Variants in LRIG2 observed in about 807,000 individuals in gnomAD.
LRIG2 encodes the protein leucine-rich repeats and immunoglobulin-like domains protein 2.
A neutral mutation model predicts 107.8 loss-of-function variants in LRIG2; 93 were observed. The observed-to-expected ratio is 0.86, with a 90% CI of 0.73 to 1.03. The LOEUF (loss-of-function observed/expected upper bound fraction) is 1.03. Ranked by LOEUF, LRIG2 falls within the 50% of genes least tolerant of loss-of-function variation. LRIG2 has a pLI of 0.00. For missense variants in LRIG2, 1,226 were observed against 1,296.0 expected (o/e 0.95, Z 0.83); for synonymous variants, 471 against 470.6 (o/e 1.00, Z -0.01).
rs1368661684 is a variant in LRIG2, at chr1:113,127,560, G to A, written c.*3459G>A. 6.8e-6 allele frequency: 1 copy of A among 147,016 alleles called. No individual in the cohort carries two copies. The highest frequency in any genetic ancestry group is 2.5e-5 in the African/African-American group (1 of 39,752). The allele number at this position is 147,016 out of a possible 1,614,324, so 9.1% of individuals were successfully genotyped here. ...AATTCTTATACTGTAAAGCCTTGTA[G>A]TGGTCCTTATTTTTTTTTTTTTGAG... On this transcript the variant is annotated 3_prime_UTR_variant, in exon 18 of 18. Transcript: ENST00000361127.
intron 13 of LRIG2, among the ~76,000 whole-genome samples, chr1:113,110,820 G>A (rs928077173): frequency 2.0e-5 from 3 of 152,120 alleles, no homozygotes; most frequent in African/African-American, 7.2e-5. Flanking sequence ...TGCTGTTTAT[G>A]CTTTTGAAGA....
At chr1:113,117,527 A>C (rs969490084) in intron 16 of LRIG2, among the ~76,000 whole-genome samples, 1 of 152,206 alleles carries the variant, frequency 6.6e-6, no homozygotes, top group African/African-American at 2.4e-5. Flanking sequence ...TCTGTTACCC[A>C]GGCTGGAGTG....
In LRIG2 at chr1:113,073,238, G is replaced by C. The variant is rs1652768520; in HGVS notation, c.-169G>C. 9.4e-6 allele frequency: 6 copies of C among 637,790 alleles called. No individual in the cohort carries two copies. The highest frequency in any genetic ancestry group is 1.4e-5 in the Non-Finnish European group (5 of 360,562). 39.5% of individuals were successfully genotyped at this position (637,790 alleles called of 1,614,324 possible). A position where few individuals can be genotyped will look rare whatever the true frequency, so the allele number is the denominator to read the frequency against. ...GTCAGGCCGTGTGTCCCAGGCCGTC[G>C]ACCCCGCTGTCGCGCTGCGTCTGCT... On this transcript the variant is annotated 5_prime_UTR_variant, in exon 1 of 18. Transcript: ENST00000361127.
At chr1:113,109,387 A>G (rs919784677) in intron 12 of LRIG2, among the ~76,000 whole-genome samples, 1 of 152,238 alleles carries the variant, frequency 6.6e-6, no homozygotes, top group South Asian at 2.1e-4. Flanking sequence ...GGATTTTTTC[A>G]CTACTTCAGG....
rs577814823 is a variant in LRIG2, at chr1:113,094,384, C to T, written c.561C>T (p.Phe187=). ...NRITTLEAGC[F]DNLSSSLLVV... is the part of the protein sequence containing the mutation. ...TAACCACCTTGGAGGCTGGTTGCTT[C>T]GATAATTTATCAAGTTCCTTATTAG... Residue 187 remains phenylalanine, a synonymous_variant, in exon 5 of 18, where the codon TTC becomes TTT. Coordinates refer to ENST00000361127, the MANE Select transcript of LRIG2 (RefSeq NM_014813.3). 42 of 1,612,820 alleles carry T rather than the reference C, an allele frequency of 2.6e-5. 1 individual carries two copies. The South Asian group carries it at 3.9e-4, about 15-fold the overall frequency.
intron 11 of LRIG2, among the ~76,000 whole-genome samples, chr1:113,107,099 C>T (rs1361922773): frequency 6.6e-6 from 1 of 152,104 alleles, no homozygotes; most frequent in Admixed American, 6.6e-5. Flanking sequence ...CATATATGCA[C>T]AGTTTTTTTG....
chr1:113,091,253 T>TC (rs1447930507), intron 1 of LRIG2, 65 bp from the exon 2 acceptor site: 1 of 1,072,332 alleles, frequency 9.3e-7, no homozygotes, highest in Non-Finnish European at 1.4e-6. Flanking sequence ...CTATTTAGTT[T>TC]CTTTTTTTTT....
At chr1:113,112,186 G>T (rs1654798495) in intron 13 of LRIG2, among the ~76,000 whole-genome samples, 1 of 152,140 alleles carries the variant, frequency 6.6e-6, no homozygotes, top group Non-Finnish European at 1.5e-5. Context: ...CCAGCACTTT[G>T]GGAGGCCAAG....
At chr1:113,090,824 C>G (rs1020282276) in intron 1 of LRIG2, among the ~76,000 whole-genome samples, 1 of 148,498 alleles carries the variant, frequency 6.7e-6, no homozygotes, top group Admixed American at 6.8e-5. Flanking sequence ...GGCGACAGAG[C>G]GAGACTCCGT....
chr1:113,076,059 G>A (rs1057349905), intron 1 of LRIG2, among the ~76,000 whole-genome samples: 1 of 151,166 alleles, frequency 6.6e-6, no homozygotes, highest in Non-Finnish European at 1.5e-5. Flanking sequence ...AGGCTGGAGT[G>A]CAGTGGCACG....
In LRIG2 at chr1:113,119,213, A is replaced by T; in HGVS notation, c.2681-20A>T. On this transcript the variant is annotated intron_variant, in intron 16 of 17. Coordinates refer to ENST00000361127, the MANE Select transcript of LRIG2 (RefSeq NM_014813.3). ...AATTCCTTAACAGAAAGATATTTAG[A>T]TTCTTTTTCTTGTTATTAGGTGGCA... is the stretch of plus-strand genomic sequence containing the variant. 6.3e-7 allele frequency: 1 copy of T among 1,592,240 alleles called. No homozygotes were observed.
rs143913927 is a variant in LRIG2, at chr1:113,108,680, C to T, written c.1477+923C>T. Among the ~76,000 whole-genome samples the T allele has an allele frequency of 2.7e-3, 412 of 151,624 alleles. 3 individuals are homozygous for T. The highest frequency in any genetic ancestry group is 8.5e-3 in the African/African-American group (354 of 41,410). ...TCATCTGGGGTCTGGAGTTCGAGACCGGCCTGGCCAGCATGGCGAAACCCT... is the reference window on the plus strand; with the variant it reads ...TCATCTGGGGTCTGGAGTTCGAGACTGGCCTGGCCAGCATGGCGAAACCCT... On this transcript the variant is annotated intron_variant, in intron 12 of 17. Coordinates refer to ENST00000361127, the MANE Select transcript of LRIG2 (RefSeq NM_014813.3).
chr1:113,122,435 G>A (rs1655303600), intron 17 of LRIG2, among the ~76,000 whole-genome samples: 1 of 152,080 alleles, frequency 6.6e-6, no homozygotes, highest in Non-Finnish European at 1.5e-5. Flanking sequence ...ACAGGTCAGA[G>A]GAAAGCACTA....
chr1:113,111,597 G>T (rs1654777965), intron 13 of LRIG2, among the ~76,000 whole-genome samples: 2 of 152,098 alleles, frequency 1.3e-5, no homozygotes, highest in African/African-American at 4.8e-5. Context: ...CTCCACACAG[G>T]ATCATTTTAA....
chr1:113,083,475 A>G (rs1653383464), intron 1 of LRIG2, among the ~76,000 whole-genome samples: 1 of 150,530 alleles, frequency 6.6e-6, no homozygotes, highest in Non-Finnish European at 1.5e-5. Context: ...CCTCCCGAGT[A>G]GCTGGGATTA....
At chr1:113,098,582 T>C in intron 8 of LRIG2, 123 bp from the exon 9 acceptor site, 2 of 642,452 alleles carry the variant, frequency 3.1e-6, no homozygotes, top group Non-Finnish European at 5.6e-6. Flanking sequence ...TCATCATAAA[T>C]AACTGTTAAA....
chr1:113,083,470 C>G (rs191253045), intron 1 of LRIG2, among the ~76,000 whole-genome samples: 1 of 151,308 alleles, frequency 6.6e-6, no homozygotes, highest in African/African-American at 2.4e-5. Flanking sequence ...CTCAGCCTCC[C>G]GAGTAGCTGG....
At chr1:113,099,565 G>T (rs998322995) in intron 9 of LRIG2, among the ~76,000 whole-genome samples, 2 of 151,882 alleles carry the variant, frequency 1.3e-5, no homozygotes, top group Admixed American at 6.6e-5. Context: ...GTGTTTTTTT[G>T]TTGTTGTTGT....
At chr1:113,093,112 C>G in intron 2 of LRIG2, 94 bp from the exon 3 acceptor site, 1 of 716,042 alleles carries the variant, frequency 1.4e-6, no homozygotes. Flanking sequence ...AAATTTGGCA[C>G]CTATTCTAAA....
Sources: allele counts gnomAD v4.1 joint callset (sites outside exome capture counted in the v4.1 genomes callset), GRCh38; gene constraint gnomAD v4.1.1; transcripts MANE v1.5; gene names NCBI Gene and HGNC (gene_info 2026-07-23, HGNC 2026-07-21).